HS6ST3: variants seen among roughly 807,000 people sequenced by gnomAD.
HS6ST3 encodes the protein heparan-sulfate 6-O-sulfotransferase 3.
HS6ST3 carries 12 observed loss-of-function variants against 36.7 expected under a neutral mutation model. The observed-to-expected ratio is 0.33, with a 90% CI of 0.21 to 0.53. The LOEUF (loss-of-function observed/expected upper bound fraction) is 0.53, where lower values mean the gene tolerates loss of function less well. HS6ST3 is among the 20% of genes least tolerant of loss of function. HS6ST3 has a pLI of 0.95. For synonymous variants in HS6ST3, 240 were observed against 257.5 expected (o/e 0.93, Z 0.65); for missense variants, 584 against 640.9 (o/e 0.91, Z 0.96).
intron 1 of HS6ST3, among the ~76,000 whole-genome samples, chr13:96,100,564 T>C (rs1343958228): frequency 6.6e-6 from 1 of 152,130 alleles, no homozygotes; most frequent in Non-Finnish European, 1.5e-5. Flanking sequence ...GTTTCAGTAG[T>C]AGGAGAGAGC....
chr13:96,478,535 C>T (rs1006660369), intron 1 of HS6ST3, among the ~76,000 whole-genome samples: 1 of 152,102 alleles, frequency 6.6e-6, no homozygotes, highest in African/African-American at 2.4e-5. Flanking sequence ...TGATTGTTTA[C>T]TCTCTTCCTG....
intron 1 of HS6ST3, among the ~76,000 whole-genome samples, chr13:96,147,748 C>T (rs903689276): frequency 2.0e-5 from 3 of 152,126 alleles, no homozygotes; most frequent in Middle Eastern, 3.4e-3. Flanking sequence ...TGGCCATCTG[C>T]CACCCTTAAC....
intron 1 of HS6ST3, among the ~76,000 whole-genome samples, chr13:96,244,919 ATTG>A (rs1274725276): frequency 6.6e-6 from 1 of 152,216 alleles, no homozygotes; most frequent in Non-Finnish European, 1.5e-5. Context: ...TGAAAATAAA[ATTG>A]TTGTTGCTGC....
At chr13:96,389,704 A>C (rs1286989154) in intron 1 of HS6ST3, among the ~76,000 whole-genome samples, 3 of 152,192 alleles carry the variant, frequency 2.0e-5, no homozygotes, top group African/African-American at 7.2e-5. Flanking sequence ...ATAAAAGACT[A>C]TTAGAAATTA....
In HS6ST3 at chr13:96,454,574, A is replaced by G. The variant is rs571982227; in HGVS notation, c.707+363005A>G. Among the ~76,000 whole-genome samples the G allele has an allele frequency of 2.0e-5, 3 of 152,176 alleles. No homozygotes were observed. In the South Asian group the frequency reaches 6.2e-4, roughly 32 times the overall value. On this transcript the variant is annotated intron_variant, in intron 1 of 1. Coordinates refer to ENST00000376705, the MANE Select transcript of HS6ST3 (RefSeq NM_153456.4). ...TAACACTAAAATCTGCTCATGTGTGATGCTGTCTTCACTTGGAAGGGCGTT... is the reference window on the plus strand; with the variant it reads ...TAACACTAAAATCTGCTCATGTGTGGTGCTGTCTTCACTTGGAAGGGCGTT...
chr13:96,459,201 T>C (rs900560503), intron 1 of HS6ST3, among the ~76,000 whole-genome samples: 1 of 151,232 alleles, frequency 6.6e-6, no homozygotes, highest in Non-Finnish European at 1.5e-5. Context: ...GATGTGGTAG[T>C]AGGTACTTCC....
At chr13:96,209,195 A>T (rs2054386657) in intron 1 of HS6ST3, among the ~76,000 whole-genome samples, 1 of 152,224 alleles carries the variant, frequency 6.6e-6, no homozygotes, top group Admixed American at 6.6e-5. Flanking sequence ...CCTTGATCTT[A>T]CAAGGGAGAG....
intron 1 of HS6ST3, among the ~76,000 whole-genome samples, chr13:96,660,537 T>G (rs2056642753): frequency 6.6e-6 from 1 of 152,094 alleles, no homozygotes; most frequent in Non-Finnish European, 1.5e-5. Context: ...CAAAATACAT[T>G]AAGGACTTAA....
In HS6ST3 at chr13:96,379,310, T is replaced by C. The variant is rs187566104; in HGVS notation, c.707+287741T>C. Among the ~76,000 whole-genome samples the C allele has an allele frequency of 3.7e-3, 556 of 152,272 alleles. 3 individuals are homozygous for C. The highest frequency in any genetic ancestry group is 0.013 in the African/African-American group (544 of 41,554). ...ATTCAGAGGTGGGGCCTTTGGGAGA[T>C]GATTAGGTCATGAGGGCAGAGCCCT... is the stretch of plus-strand genomic sequence containing the variant. On this transcript the variant is annotated intron_variant, in intron 1 of 1. Coordinates refer to ENST00000376705, the MANE Select transcript of HS6ST3 (RefSeq NM_153456.4).
intron 1 of HS6ST3, among the ~76,000 whole-genome samples, chr13:96,583,119 C>T (rs1365470499): frequency 5.3e-5 from 8 of 151,658 alleles, no homozygotes; most frequent in Non-Finnish European, 1.2e-4. Flanking sequence ...CATTTTGCAT[C>T]CAACAGGCAG....
chr13:96,363,289 C>CT (rs1234512990), intron 1 of HS6ST3, among the ~76,000 whole-genome samples: 2 of 120,298 alleles, frequency 1.7e-5, no homozygotes, highest in Non-Finnish European at 1.7e-5. Context: ...TCTTCCTGTA[C>CT]ATTTTTTTTT....
chr13:96,663,997 C>G (rs987598078), intron 1 of HS6ST3, among the ~76,000 whole-genome samples: 3 of 152,010 alleles, frequency 2.0e-5, no homozygotes, highest in Non-Finnish European at 4.4e-5. Flanking sequence ...TGAGTGCAAA[C>G]AGGTTTAAGG....
rs145873200 is a variant in HS6ST3, at chr13:96,091,743, C to G, written c.707+174C>G. On this transcript the variant is annotated intron_variant, in intron 1 of 1. Coordinates refer to ENST00000376705, the MANE Select transcript of HS6ST3 (RefSeq NM_153456.4). ...AGAAACCTCCGGATAGTGCCTAGGTCCTGAACTCGTTCTTCCCCCAGCCCC... is the reference window on the plus strand; with the variant it reads ...AGAAACCTCCGGATAGTGCCTAGGTGCTGAACTCGTTCTTCCCCCAGCCCC... Among the ~76,000 whole-genome samples, 575 of 152,116 alleles carry G rather than the reference C, an allele frequency of 3.8e-3. 2 individuals carry two copies. Among genetic ancestry groups the G allele is most frequent in the African/African-American group, 0.013 (559 of 41,478 alleles).
chr13:96,365,100 C>G (rs911426742), intron 1 of HS6ST3, among the ~76,000 whole-genome samples: 6 of 152,152 alleles, frequency 3.9e-5, no homozygotes, highest in Admixed American at 2.6e-4. Flanking sequence ...TGGGGTTGGA[C>G]CAGGCACTCT....
rs575970386 is a variant in HS6ST3, at chr13:96,703,423, A to T, written c.708-129067A>T. On this transcript the variant is annotated intron_variant, in intron 1 of 1. Transcript: ENST00000376705. ...TGTAATTTACTGGTGCATCCTAATT[A>T]AAAATGGAGAATGAAAATAATGTTG... 9.2e-5 allele frequency among the ~76,000 whole-genome samples: 14 copies of T among 152,362 alleles called. No homozygotes were observed. In the East Asian group the frequency reaches 2.7e-3, roughly 29 times the overall value.
intron 1 of HS6ST3, among the ~76,000 whole-genome samples, chr13:96,344,051 C>T (rs1179745111): frequency 1.3e-5 from 2 of 152,036 alleles, no homozygotes; most frequent in African/African-American, 4.8e-5. Flanking sequence ...CTCGTTATTA[C>T]AGTATCTTTA....
intron 1 of HS6ST3, among the ~76,000 whole-genome samples, chr13:96,323,060 C>G (rs1022146088): frequency 6.6e-6 from 1 of 152,158 alleles, no homozygotes; most frequent in South Asian, 2.1e-4. Flanking sequence ...TCCTTGGACC[C>G]CTTCTGTACT....
chr13:96,588,123 G>T (rs1427477110), intron 1 of HS6ST3, among the ~76,000 whole-genome samples: 1 of 150,064 alleles, frequency 6.7e-6, no homozygotes, highest in African/African-American at 2.4e-5. Flanking sequence ...TACTGAATTT[G>T]CTTATTATTT....
intron 1 of HS6ST3, among the ~76,000 whole-genome samples, chr13:96,280,838 AC>A (rs1464451789): frequency 6.6e-6 from 1 of 152,150 alleles, no homozygotes; most frequent in Admixed American, 6.5e-5. Flanking sequence ...AGAGAGACAA[AC>A]CACACATACA....
Sources: allele counts gnomAD v4.1 joint callset (sites outside exome capture counted in the v4.1 genomes callset), GRCh38; gene constraint gnomAD v4.1.1; transcripts MANE v1.5; gene names NCBI Gene and HGNC (gene_info 2026-07-23, HGNC 2026-07-21).